MED6: variants seen among roughly 807,000 people sequenced by gnomAD.
MED6 encodes mediator complex subunit 6, also known as mediator of RNA polymerase II transcription subunit 6.
Under a neutral mutation model 37.5 loss-of-function variants are expected in MED6, and 33 were observed. The ratio of observed to expected loss-of-function variants is 0.88; its 90% CI spans 0.67 to 1.18. The LOEUF is 1.18. Among genes scored for constraint, MED6 ranks in the 50% most tolerant of loss-of-function variants. The pLI is 0.00. For synonymous variants in MED6, 94 were observed against 93.6 expected (o/e 1.00, Z -0.02); for missense variants, 235 against 290.6 (o/e 0.81, Z 1.39).
At chr14:70,593,023 T>C (rs376514426) in intron 4 of MED6, 35 bp from the exon 5 acceptor site, 38 of 1,610,436 alleles carry the variant, frequency 2.4e-5, no homozygotes, top group Non-Finnish European at 3.1e-5. Flanking sequence ...AATTTATCAT[T>C]AGGTCGACCA....
At chr14:70,598,513 A>G (rs140046989) in intron 1 of MED6, among the ~76,000 whole-genome samples, 19 of 152,264 alleles carry the variant, frequency 1.2e-4, no homozygotes, top group African/African-American at 4.6e-4. Flanking sequence ...ACGAGACTAC[A>G]GAGGACCTGG....
intron 6 of MED6, among the ~76,000 whole-genome samples, chr14:70,587,811 AAGAC>A (rs1474621107): frequency 1.3e-5 from 2 of 152,300 alleles, no homozygotes; most frequent in East Asian, 3.9e-4. Context: ...CAGCAATAAA[AAGAC>A]AGTCCTCATA....
intron 1 of MED6, 42 bp from the exon 2 acceptor site, chr14:70,597,819 G>T: frequency 6.8e-7 from 1 of 1,478,686 alleles, no homozygotes; most frequent in South Asian, 1.4e-5. Context: ...TAGAAAAATA[G>T]AAAGAATCCA....
At position 70,585,087 on chromosome 14, in the gene MED6, G is replaced by A. The variant is rs1029464786; in HGVS notation, c.611-144C>T. ...GATCTAGCTGTTTCCCCAGGCAGAT[G>A]TATACAAGAACCCAGTTACAAACCT... On this transcript the variant is annotated intron_variant, in intron 7 of 7. Coordinates refer to ENST00000256379, the MANE Select transcript of MED6 (RefSeq NM_005466.4). The A allele has an allele frequency of 2.2e-5, 21 of 968,930 alleles. 1 individual carries two copies. The highest frequency in any genetic ancestry group is 3.4e-4 in the Middle Eastern group (1 of 2,974). The allele number at this position is 968,930 out of a possible 1,614,324, so 60.0% of individuals were successfully genotyped here.
chr14:70,586,976 C>T (rs1884727164), intron 6 of MED6, among the ~76,000 whole-genome samples: 1 of 152,166 alleles, frequency 6.6e-6, no homozygotes, highest in Non-Finnish European at 1.5e-5. Context: ...CTCACTGTGC[C>T]TAGACTGTAC....
Position 70,593,363 on chromosome 14 carries a change from T to A in MED6, c.290A>T (p.Asp97Val). 6.2e-7 allele frequency: 1 copy of A among 1,613,662 alleles called. No individual in the cohort carries two copies. Among genetic ancestry groups the A allele is most frequent in the Non-Finnish European group, 8.5e-7 (1 of 1,179,684 alleles). Residue 97 changes from aspartate to valine, a missense_variant, in exon 4 of 8, where the codon GAT becomes GTT. Coordinates refer to ENST00000256379, the MANE Select transcript of MED6 (RefSeq NM_005466.4). ...QSPAQVIPLA[D>V]YYIIAGVIYQ... ...GATCACTCCAGCAATGATATAGTAA[T>A]CAGCTAGTGGGATAACTAAAACAGT...
chr14:70,596,518 A>G (rs1363097584), intron 3 of MED6, 93 bp downstream of exon 3: 9 of 960,514 alleles, frequency 9.4e-6, no homozygotes, highest in Non-Finnish European at 1.4e-5. Context: ...GACCCCCCAA[A>G]CAGAAACCAA....
rs771516997 is a variant in MED6, at chr14:70,592,857, G to C, written c.466+23C>G. On this transcript the variant is annotated intron_variant, in intron 5 of 7. Coordinates refer to ENST00000256379, the MANE Select transcript of MED6 (RefSeq NM_005466.4). ...CTCAGAGGATCAAAAAGTGTTTTAGGAGGGTATGGATGTTCTACTTACCTT... is the reference window on the plus strand; with the variant it reads ...CTCAGAGGATCAAAAAGTGTTTTAGCAGGGTATGGATGTTCTACTTACCTT... 5.0e-6 allele frequency: 8 copies of C among 1,611,116 alleles called. No homozygotes were observed. The South Asian group carries it at 8.8e-5, about 18-fold the overall frequency.
intron 6 of MED6, among the ~76,000 whole-genome samples, chr14:70,589,870 G>A (rs1251909857): frequency 2.0e-5 from 3 of 152,064 alleles, no homozygotes; most frequent in Admixed American, 2.0e-4. Flanking sequence ...TTCTGGTTTT[G>A]CATGTTCTAT....
chr14:70,596,498 T>A, intron 3 of MED6, 113 bp downstream of exon 3: 1 of 702,790 alleles, frequency 1.4e-6, no homozygotes, highest in East Asian at 2.7e-5. Context: ...AACATGTATG[T>A]GGTCTTGGAG....
At chr14:70,591,759 C>T (rs1884877504) in intron 5 of MED6, 1 of 156,638 alleles carries the variant, frequency 6.4e-6, no homozygotes. Flanking sequence ...TCTTTTCTCA[C>T]AAAACCTACT....
At chr14:70,585,939 ATG>A (rs1450302208) in intron 6 of MED6, among the ~76,000 whole-genome samples, 156 bp from the exon 7 acceptor site, 4 of 152,232 alleles carry the variant, frequency 2.6e-5, no homozygotes, top group Non-Finnish European at 4.4e-5. Flanking sequence ...GCTACTATGT[ATG>A]TACTATAAAG....
At chr14:70,590,676 G>A (rs983754539) in intron 6 of MED6, among the ~76,000 whole-genome samples, 3 of 152,042 alleles carry the variant, frequency 2.0e-5, no homozygotes, top group African/African-American at 7.3e-5. Context: ...ATATCTACTA[G>A]ACTCCAAAAG....
chr14:70,594,516 C>G (rs1884982352), intron 3 of MED6: 1 of 346,998 alleles, frequency 2.9e-6, no homozygotes, highest in Non-Finnish European at 5.7e-6. Context: ...TCAGCAAAGC[C>G]TGAGTCCTGT....
chr14:70,585,856 C>T (rs1884693027), intron 6 of MED6, 73 bp from the exon 7 acceptor site: 7 of 1,239,904 alleles, frequency 5.6e-6, no homozygotes, highest in Non-Finnish European at 8.0e-6. Context: ...GGCAAAATTT[C>T]TTCTTCCTGA....
chr14:70,586,805 A>T (rs1400722017), intron 6 of MED6, among the ~76,000 whole-genome samples: 9 of 152,210 alleles, frequency 5.9e-5, no homozygotes, highest in Admixed American at 5.9e-4. Flanking sequence ...TAACAAGACC[A>T]AAACTGAGCT....
intron 7 of MED6, 90 bp from the exon 8 acceptor site, chr14:70,585,033 T>C: frequency 2.1e-6 from 3 of 1,412,278 alleles, no homozygotes; most frequent in Non-Finnish European, 2.9e-6. Flanking sequence ...ATTTTCAAAT[T>C]CATTTTTAAC....
At chr14:70,587,181 G>A (rs1393769571) in intron 6 of MED6, among the ~76,000 whole-genome samples, 1 of 152,212 alleles carries the variant, frequency 6.6e-6, no homozygotes, top group African/African-American at 2.4e-5. Flanking sequence ...AGAGAAGAGT[G>A]CACTCTGTGT....
At chr14:70,593,927 C>T (rs10483831) in intron 3 of MED6, among the ~76,000 whole-genome samples, 32,058 of 152,070 alleles carry the variant, frequency 0.21, 4,043 homozygotes, top group South Asian at 0.32. Context: ...GAGGCTACTG[C>T]CGTCTTGTGT....
Sources: gnomAD v4.1 joint callset for allele counts (sites outside exome capture counted in the v4.1 genomes callset) on GRCh38, gnomAD v4.1.1 for gene constraint, MANE v1.5 for transcripts, NCBI Gene and HGNC (gene_info 2026-07-23, HGNC 2026-07-21) for gene names.